TMIGD2: variants seen among roughly 807,000 people sequenced by gnomAD.
The protein encoded by TMIGD2 is transmembrane and immunoglobulin domain-containing protein 2.
TMIGD2 carries 18 observed loss-of-function variants against 22.6 expected under a neutral mutation model. That is an observed-to-expected ratio of 0.80 (90% CI 0.55 to 1.18). The LOEUF is 1.18. Among genes scored for constraint, TMIGD2 ranks in the 50% most tolerant of loss-of-function variants. The probability of loss-of-function intolerance (pLI) is 0.00; values close to 1 mark genes in which losing one functional copy is unlikely to be tolerated. For synonymous variants in TMIGD2, 184 were observed against 154.1 expected, an observed-to-expected ratio of 1.19 and a Z score of -1.44; for missense variants, 361 against 378.2, an observed-to-expected ratio of 0.95 and a Z score of 0.38.
chr19:4,297,401 G>C (rs369720120), intron 2 of TMIGD2, among the ~76,000 whole-genome samples: 3 of 151,938 alleles, frequency 2.0e-5, no homozygotes, highest in African/African-American at 7.3e-5. Flanking sequence ...ACAGGGTCTC[G>C]CTCTGTCGCC....
chr19:4,298,148 C>T (rs761121311), exon 2 of TMIGD2: 25 of 1,613,278 alleles, frequency 1.5e-5, no homozygotes, highest in Admixed American at 1.3e-4. Flanking sequence ...CCCTGGGGCC[C>T]GCAGACCCCC....
At chr19:4,297,860 A>T (rs1417739412) in intron 2 of TMIGD2, 126 bp downstream of exon 2, 8 of 132,322 alleles carry the variant, frequency 6.0e-5, no homozygotes, top group East Asian at 5.6e-4. Context: ...CTGTCTCTTA[A>T]AAAAAAAAAA....
chr19:4,292,445 C>T (rs1272325718), exon 5 of TMIGD2: 1 of 802,484 alleles, frequency 1.2e-6, no homozygotes, highest in East Asian at 2.5e-5. Context: ...AGGTTCAAGC[C>T]AGGCTGGTCT....
At chr19:4,301,540 C>T (rs746463642) in intron 1 of TMIGD2, among the ~76,000 whole-genome samples, 2 of 152,160 alleles carry the variant, frequency 1.3e-5, no homozygotes, top group African/African-American at 2.4e-5. Context: ...CGCAGTGGCG[C>T]GCGCCTGCAG....
chr19:4,297,473 G>T (rs1971476460), intron 2 of TMIGD2, among the ~76,000 whole-genome samples: 1 of 152,160 alleles, frequency 6.6e-6, no homozygotes, highest in Admixed American at 6.6e-5. Flanking sequence ...GGGCTCAGGT[G>T]ATCCTCTTGC....
chr19:4,295,189 A>T (rs1417820509), intron 2 of TMIGD2, among the ~76,000 whole-genome samples: 1 of 140,256 alleles, frequency 7.1e-6, no homozygotes, highest in Middle Eastern at 3.6e-3. Flanking sequence ...TGAATCCAGG[A>T]GGGGGAGGTT....
chr19:4,294,889 G>A, intron 2 of TMIGD2, 73 bp from the exon 3 acceptor site: 4 of 1,387,424 alleles, frequency 2.9e-6, no homozygotes, highest in Non-Finnish European at 3.8e-6. Context: ...CACTTGGGGG[G>A]ACCTAAGTGT....
intron 1 of TMIGD2, 62 bp from the exon 2 acceptor site, chr19:4,298,407 C>T (rs1256828248): frequency 6.7e-7 from 1 of 1,497,382 alleles, no homozygotes; most frequent in Non-Finnish European, 8.8e-7. Context: ...CTGTGTGACT[C>T]ACTCCCCTAG....
intron 2 of TMIGD2, among the ~76,000 whole-genome samples, chr19:4,295,123 A>G (rs895191633): frequency 2.6e-5 from 4 of 151,676 alleles, no homozygotes; most frequent in Non-Finnish European, 5.9e-5. Context: ...TTAGCCAGGC[A>G]TGGTGGTGGC....
At chr19:4,292,490 G>T in exon 5 of TMIGD2, 1 of 1,168,216 alleles carries the variant, frequency 8.6e-7, no homozygotes, top group Non-Finnish European at 1.3e-6. Flanking sequence ...ACCCGCCTCG[G>T]CTTCCCAAAC....
intron 4 of TMIGD2, among the ~76,000 whole-genome samples, chr19:4,293,952 G>A (rs986563941): frequency 3.3e-5 from 5 of 151,506 alleles, no homozygotes; most frequent in African/African-American, 1.2e-4. Context: ...AGTAGAGACT[G>A]GGTTTCACCA....
chr19:4,302,192 C>T lies in TMIGD2; in HGVS notation c.46+148G>A, dbSNP rs554325133. 2.2e-5 allele frequency: 18 copies of T among 831,978 alleles called. 1 individual carries two copies. In the South Asian group the frequency reaches 3.3e-4, roughly 15 times the overall value. The allele number at this position is 831,978 out of a possible 1,614,324, so 51.5% of individuals were successfully genotyped here. On this transcript the variant is annotated intron_variant, in intron 1 of 4. Transcript: ENST00000301272. ...AGAGGATCCTTCCTTAATCCTCCAGCCCCCATCACGTTCTGAGTCTCGGAG... is the reference window on the plus strand; with the variant it reads ...AGAGGATCCTTCCTTAATCCTCCAGTCCCCATCACGTTCTGAGTCTCGGAG...
At chr19:4,298,423 C>G in intron 1 of TMIGD2, 78 bp from the exon 2 acceptor site, 1 of 1,474,564 alleles carries the variant, frequency 6.8e-7, no homozygotes, top group Non-Finnish European at 8.9e-7. Context: ...CCTAGTGAGC[C>G]CGCAGTCTGG....
intron 4 of TMIGD2, 82 bp downstream of exon 4, chr19:4,294,497 G>C: frequency 7.4e-7 from 1 of 1,346,662 alleles, no homozygotes; most frequent in African/African-American, 1.4e-5. Context: ...CCCCCAGGCG[G>C]GAGCACAGAT....
intron 3 of TMIGD2, 22 bp downstream of exon 3, chr19:4,294,753 A>C: frequency 6.3e-7 from 1 of 1,581,006 alleles, no homozygotes; most frequent in Non-Finnish European, 8.6e-7. Flanking sequence ...ACGCTGGGGG[A>C]GGAACACAGG....
intron 4 of TMIGD2, among the ~76,000 whole-genome samples, chr19:4,294,072 ATT>A (rs373461638): frequency 1.5e-5 from 2 of 132,380 alleles, no homozygotes; most frequent in African/African-American, 2.8e-5. Context: ...TAATTTTTAA[ATT>A]TTTTTTTTTT....
At chr19:4,293,171 C>T (rs12460936) in intron 4 of TMIGD2, among the ~76,000 whole-genome samples, 15,149 of 151,320 alleles carry the variant, frequency 0.1, 1,027 homozygotes, top group Non-Finnish European at 0.14. Context: ...CACTGTTAGC[C>T]AGGATGGTCT....
rs557606770 is a variant in TMIGD2 at position 4,300,317 on chromosome 19, G to C, written c.47-1972C>G. On this transcript the variant is annotated intron_variant, in intron 1 of 4. Coordinates refer to ENST00000301272, the Ensembl canonical transcript of TMIGD2. Reference sequence around the variant, plus strand: ...CTCACGCCTATAATCCCAGCACTTTGGGAGGCAGAGGCGGGCGGATCACGA... The same window carrying C: ...CTCACGCCTATAATCCCAGCACTTTCGGAGGCAGAGGCGGGCGGATCACGA... Among the ~76,000 whole-genome samples, 7 of 151,050 alleles carry C rather than the reference G, an allele frequency of 4.6e-5. No homozygotes were observed. The East Asian group carries it at 1.4e-3, about 30-fold the overall frequency.
In TMIGD2 at chr19:4,297,969, C is replaced by T; in HGVS notation, c.406+17G>A. 1 of 1,545,246 alleles carries T rather than the reference C, an allele frequency of 6.5e-7. No individual in the cohort carries two copies. The highest frequency in any genetic ancestry group is 8.8e-7 in the Non-Finnish European group (1 of 1,142,434). ...ATCCTCCCCACTGCCCCTCCCTCTC[C>T]CCGCTGGCTCCCGTACCTGGGTCCA... On this transcript the variant is annotated intron_variant, in intron 2 of 4. Coordinates refer to ENST00000301272, the Ensembl canonical transcript of TMIGD2.
Sources: gnomAD v4.1 joint callset for allele counts (sites outside exome capture counted in the v4.1 genomes callset) on GRCh38, gnomAD v4.1.1 for gene constraint, MANE v1.5 for transcripts, NCBI Gene and HGNC (gene_info 2026-07-23, HGNC 2026-07-21) for gene names.